Variants in PNPT1 observed in about 807,000 individuals in gnomAD.
PNPT1 encodes polyribonucleotide nucleotidyltransferase 1, mitochondrial.
In PNPT1, 53 loss-of-function variants were observed where a neutral mutation model predicts 119.5. The observed-to-expected ratio is 0.44, with a 90% CI of 0.36 to 0.56. The LOEUF (loss-of-function observed/expected upper bound fraction) is 0.56, where lower values mean the gene tolerates loss of function less well. Ranked by LOEUF, PNPT1 falls within the 20% of genes least tolerant of loss-of-function variation. The probability of loss-of-function intolerance (pLI) is 0.00; values close to 1 mark genes in which losing one functional copy is unlikely to be tolerated. For missense variants in PNPT1, 948 were observed against 938.5 expected (o/e 1.01, Z -0.13); for synonymous variants, 357 against 322.1 (o/e 1.11, Z -1.16).
In PNPT1 at chr2:55,656,387, A is replaced by C. The variant is rs78487921; in HGVS notation, c.1285-16T>G. ...AAGGAGGAAACTTAAAAAAAAAAAA[A>C]CACAAACACACATATACAATTGACA... On this transcript the variant is annotated splice_polypyrimidine_tract_variant and intron_variant, in intron 15 of 27. Coordinates refer to ENST00000447944, the MANE Select transcript of PNPT1 (RefSeq NM_033109.5). 4.5e-6 allele frequency: 7 copies of C among 1,558,884 alleles called. No homozygotes were observed. Among genetic ancestry groups the C allele is most frequent in the African/African-American group, 4.1e-5 (3 of 72,310 alleles).
intron 18 of PNPT1, among the ~76,000 whole-genome samples, chr2:55,653,952 G>A (rs748430529): frequency 2.5e-4 from 38 of 151,990 alleles, no homozygotes; most frequent in Non-Finnish European, 5.1e-4. Flanking sequence ...AGTTTGGCAC[G>A]AATTGGTTTT....
At chr2:55,650,869 G>C (rs1317296939) in intron 18 of PNPT1, among the ~76,000 whole-genome samples, 1 of 148,778 alleles carries the variant, frequency 6.7e-6, no homozygotes, top group Non-Finnish European at 1.5e-5. Context: ...GTCTCTGCCC[G>C]GCAGCCACCT....
intron 14 of PNPT1, among the ~76,000 whole-genome samples, chr2:55,661,329 G>C (rs941743088): frequency 6.6e-6 from 1 of 151,864 alleles, no homozygotes; most frequent in Non-Finnish European, 1.5e-5. Flanking sequence ...CTGACTTCAG[G>C]ATCCACCCAC....
intron 12 of PNPT1, 72 bp downstream of exon 12, chr2:55,667,790 C>A: frequency 2.0e-6 from 3 of 1,523,084 alleles, no homozygotes; most frequent in Admixed American, 2.5e-5. Context: ...TTTCTTTGAT[C>A]AAGTTTCCAT....
chr2:55,679,792 G>A lies in PNPT1; in HGVS notation c.569C>T (p.Ala190Val). The A allele has an allele frequency of 6.3e-7, 1 of 1,593,478 alleles. No homozygotes were observed. The highest frequency in any genetic ancestry group is 8.6e-7 in the Non-Finnish European group (1 of 1,166,024). Residue 190 changes from alanine to valine, a missense_variant, in exon 8 of 28, where the codon GCA becomes GTA. Transcript: ENST00000447944. ...TCCATCAATTATTCCTATTCGTACT[G>A]CCCCTAAAATGTATTAGAATATTGG... Reference protein sequence around the residue: ...SDIPWNGPVGAVRIGIIDGEY... With the variant: ...SDIPWNGPVGVVRIGIIDGEY...
At chr2:55,685,296 C>G (rs1697367767) in intron 3 of PNPT1, among the ~76,000 whole-genome samples, 1 of 152,166 alleles carries the variant, frequency 6.6e-6, no homozygotes, top group Non-Finnish European at 1.5e-5. Flanking sequence ...GAGGCCAAAG[C>G]AGGAGGACCA....
At chr2:55,651,057 G>C (rs1343681295) in intron 18 of PNPT1, among the ~76,000 whole-genome samples, 1 of 143,472 alleles carries the variant, frequency 7.0e-6, no homozygotes, top group Non-Finnish European at 1.5e-5. Flanking sequence ...CGGCCGCCCC[G>C]TCCAGGAGGG....
intron 26 of PNPT1, among the ~76,000 whole-genome samples, chr2:55,639,085 C>A (rs1161261912): frequency 6.6e-6 from 1 of 152,090 alleles, no homozygotes; most frequent in East Asian, 1.9e-4. Context: ...CCAAGGACAT[C>A]TTTTCATATC....
chr2:55,677,141 T>G (rs920659156), intron 8 of PNPT1, among the ~76,000 whole-genome samples: 2 of 152,180 alleles, frequency 1.3e-5, no homozygotes, highest in African/African-American at 4.8e-5. Context: ...CCCTTACAGG[T>G]TGGTTCTGAA....
intron 1 of PNPT1, among the ~76,000 whole-genome samples, chr2:55,690,646 TAATA>T (rs1384518935): frequency 1.3e-5 from 2 of 152,248 alleles, no homozygotes; most frequent in African/African-American, 2.4e-5. Flanking sequence ...TAATATATGT[TAATA>T]AATACAATGA....
intron 18 of PNPT1, among the ~76,000 whole-genome samples, chr2:55,650,554 C>T (rs1182843894): frequency 6.6e-6 from 1 of 152,194 alleles, no homozygotes; most frequent in African/African-American, 2.4e-5. Flanking sequence ...CAGCCTCTGC[C>T]CGGCCGCCAC....
Position 55,672,928 on chromosome 2 carries a change from A to C in PNPT1, c.831T>G (p.Phe277Leu). Residue 277 changes from phenylalanine (F) to leucine (L), a missense_variant, in exon 9 of 28, where the codon TTT becomes TTG. By Grantham distance (22) the Phe-to-Leu change is conservative (BLOSUM62 0). Transcript: ENST00000447944. ...GVTKRTPQKL[F>L]TPSPEIVKYT... ...ATTTCACAATCTCTGGCGAAGGGGT[A>C]AATAACTTCTGAGGTGTCCTCTTGG... is the stretch of plus-strand genomic sequence containing the variant. 6.2e-7 allele frequency: 1 copy of C among 1,609,146 alleles called. No individual in the cohort carries two copies. The highest frequency in any genetic ancestry group is 8.5e-7 in the Non-Finnish European group (1 of 1,178,800).
rs1233251024 is a variant in PNPT1 at position 55,643,423 on chromosome 2, C to T, written c.1909G>A (p.Val637Ile). The change falls in exon 24 of 28, where the codon GTA (valine) becomes ATA (isoleucine). Residue 637 changes from valine to isoleucine, a missense_variant and splice_region_variant. Transcript: ENST00000447944. ...TCTTCATCCACCTGACTAATAGTTACACCTTTTAAAAACAAAATGTAACAT... is the reference window on the plus strand; with the variant it reads ...TCTTCATCCACCTGACTAATAGTTATACCTTTTAAAAACAAAATGTAACAT... ...NLKKLQAETG[V>I]TISQVDEETF... 3.7e-6 allele frequency: 6 copies of T among 1,613,404 alleles called. No individual in the cohort carries two copies. Among genetic ancestry groups the T allele is most frequent in the Non-Finnish European group, 5.1e-6 (6 of 1,179,816 alleles).
At chr2:55,643,259 C>T (rs1559086915) in intron 24 of PNPT1, 46 bp from the exon 25 acceptor site, 8 of 1,613,238 alleles carry the variant, frequency 5.0e-6, no homozygotes, top group South Asian at 1.1e-5. Flanking sequence ...AAAACATCAA[C>T]AAAAAGTAGA....
At chr2:55,659,230 C>T (rs1472279663) in intron 15 of PNPT1, among the ~76,000 whole-genome samples, 1 of 152,212 alleles carries the variant, frequency 6.6e-6, no homozygotes, top group East Asian at 1.9e-4. Context: ...GCTGGGATTA[C>T]AGGTATGAGC....
In PNPT1 at chr2:55,637,621, T is replaced by C. The variant is rs765161703; in HGVS notation, c.2149-22A>G. 2.7e-5 allele frequency: 43 copies of C among 1,569,740 alleles called. No individual in the cohort carries two copies. The East Asian group carries it at 9.6e-4, about 35-fold the overall frequency. Reference sequence around the variant, plus strand: ...TAATCTGGAAAAAAAAATGTTAATCTATTAGTTGTTGTGCATAATTATGTA... The same window carrying C: ...TAATCTGGAAAAAAAAATGTTAATCCATTAGTTGTTGTGCATAATTATGTA... On this transcript the variant is annotated intron_variant, in intron 26 of 27. Transcript: ENST00000447944.
intron 13 of PNPT1, among the ~76,000 whole-genome samples, chr2:55,662,401 GC>G (rs1696606207): frequency 1.3e-5 from 2 of 152,168 alleles, no homozygotes; most frequent in Admixed American, 6.5e-5. Flanking sequence ...ATCAGGCCAG[GC>G]GTGGTGGCCC....
chr2:55,684,832 G>T, intron 4 of PNPT1, 111 bp downstream of exon 4: 1 of 1,287,398 alleles, frequency 7.8e-7, no homozygotes. Context: ...CTTAGGTGGT[G>T]TTAATGCTAT....
chr2:55,684,274 G>A (rs1435793299), intron 4 of PNPT1, among the ~76,000 whole-genome samples: 1 of 152,126 alleles, frequency 6.6e-6, no homozygotes, highest in Admixed American at 6.5e-5. Context: ...GGTGGATCAC[G>A]AGGTCAGGAG....
Sources: allele counts gnomAD v4.1 joint callset (sites outside exome capture counted in the v4.1 genomes callset), GRCh38; gene constraint gnomAD v4.1.1; transcripts MANE v1.5; gene names NCBI Gene and HGNC (gene_info 2026-07-23, HGNC 2026-07-21).